L3MBTL3: variants seen among roughly 807,000 people sequenced by gnomAD.
L3MBTL3 encodes L3MBTL histone methyl-lysine binding protein 3, also known as lethal(3)malignant brain tumor-like protein 3.
In L3MBTL3, 27 loss-of-function variants were observed where a neutral mutation model predicts 102.3. The observed-to-expected ratio is 0.26, with a 90% confidence interval of 0.19 to 0.36. The LOEUF (loss-of-function observed/expected upper bound fraction) is 0.36. L3MBTL3 is among the 10% of genes least tolerant of loss of function. L3MBTL3 has a pLI of 1.00. For missense variants in L3MBTL3, 798 were observed against 955.3 expected (o/e 0.84, Z 2.17); for synonymous variants, 340 against 320.9 (o/e 1.06, Z -0.64).
intron 20 of L3MBTL3, among the ~76,000 whole-genome samples, chr6:130,128,201 G>GGT (rs952307045): frequency 1.2e-4 from 18 of 151,710 alleles, no homozygotes; most frequent in African/African-American, 3.6e-4. Context: ...GGGTTAGGGG[G>GGT]GTGTGTGTGT....
At chr6:130,040,719 C>T (rs186827289) in intron 2 of L3MBTL3, among the ~76,000 whole-genome samples, 102 of 152,212 alleles carry the variant, frequency 6.7e-4, no homozygotes, top group Non-Finnish European at 1.3e-4. Context: ...TATCCAAACC[C>T]GAATAAACAT....
intron 19 of L3MBTL3, among the ~76,000 whole-genome samples, chr6:130,112,041 A>T (rs1446157281): frequency 6.6e-6 from 1 of 152,186 alleles, no homozygotes; most frequent in Non-Finnish European, 1.5e-5. Flanking sequence ...TCTCTGTGCC[A>T]TCTCCTAGCT....
chr6:130,117,695 A>G lies in L3MBTL3; in HGVS notation c.1887-3184A>G, dbSNP rs9483086. On this transcript the variant is annotated intron_variant, in intron 19 of 22. Transcript: ENST00000361794. ...TAATGGTTGTCCAATTGAATAAACA[A>G]TTTTTCTTGTTTTTTTCTTTCTGAG... Among the ~76,000 whole-genome samples, 531 of 151,868 alleles carry G rather than the reference A, an allele frequency of 3.5e-3. 2 individuals carry two copies. Among genetic ancestry groups the G allele is most frequent in the African/African-American group, 0.011 (475 of 41,416 alleles).
At chr6:130,046,018 G>A (rs1218152382) in intron 3 of L3MBTL3, among the ~76,000 whole-genome samples, 2 of 152,232 alleles carry the variant, frequency 1.3e-5, no homozygotes, top group African/African-American at 4.8e-5. Flanking sequence ...AGCGCCAGCT[G>A]TAAGAACAGG....
intron 10 of L3MBTL3, among the ~76,000 whole-genome samples, chr6:130,060,977 A>T (rs565082227): frequency 6.6e-6 from 1 of 152,218 alleles, no homozygotes; most frequent in Non-Finnish European, 1.5e-5. Flanking sequence ...TGCAGAACAC[A>T]GTACCATGTG....
intron 2 of L3MBTL3, among the ~76,000 whole-genome samples, chr6:130,032,407 T>G (rs753744762): frequency 3.3e-5 from 5 of 151,898 alleles, no homozygotes; most frequent in Admixed American, 2.0e-4. Flanking sequence ...TATGTTTGTG[T>G]TGTTGTACCC....
At chr6:130,061,050 C>T (rs930799402) in intron 10 of L3MBTL3, among the ~76,000 whole-genome samples, 8 of 150,166 alleles carry the variant, frequency 5.3e-5, no homozygotes, top group Non-Finnish European at 1.0e-4. Context: ...TATGTGCCAG[C>T]GGCTAATCCA....
chr6:130,033,993 C>T (rs1779890298), intron 2 of L3MBTL3, among the ~76,000 whole-genome samples: 1 of 152,228 alleles, frequency 6.6e-6, no homozygotes, highest in South Asian at 2.1e-4. Context: ...AGGGCCCACT[C>T]TTTTGCTTTG....
chr6:130,129,614 A>T (rs1786867761), intron 20 of L3MBTL3, among the ~76,000 whole-genome samples: 1 of 152,244 alleles, frequency 6.6e-6, no homozygotes, highest in Non-Finnish European at 1.5e-5. Flanking sequence ...GTTTGATCAC[A>T]TACCTTTGGT....
chr6:130,059,719 T>C (rs889536780), intron 9 of L3MBTL3, among the ~76,000 whole-genome samples: 5 of 152,218 alleles, frequency 3.3e-5, no homozygotes, highest in South Asian at 2.1e-4. Flanking sequence ...GTTGTCAAAC[T>C]TTTTGATCTT....
intron 2 of L3MBTL3, among the ~76,000 whole-genome samples, chr6:130,030,022 C>T (rs1436751916): frequency 6.6e-6 from 1 of 152,050 alleles, no homozygotes; most frequent in Non-Finnish European, 1.5e-5. Context: ...CCACACCCAG[C>T]TAATTTTTGT....
chr6:130,053,173 A>G (rs1781216321), intron 7 of L3MBTL3, among the ~76,000 whole-genome samples, 182 bp downstream of exon 7: 1 of 133,464 alleles, frequency 7.5e-6, no homozygotes, highest in Admixed American at 8.1e-5. Flanking sequence ...AATGGGAATC[A>G]TAAACAATAG....
At chr6:130,097,222 G>T (rs1784411243) in intron 18 of L3MBTL3, among the ~76,000 whole-genome samples, 1 of 152,196 alleles carries the variant, frequency 6.6e-6, no homozygotes, top group Non-Finnish European at 1.5e-5. Context: ...GGAGCTTACT[G>T]TGTCGTGGAT....
chr6:130,120,739 A>G (rs1786102497), intron 19 of L3MBTL3, 140 bp from the exon 20 acceptor site: 3 of 614,976 alleles, frequency 4.9e-6, no homozygotes, highest in Admixed American at 3.2e-5. Flanking sequence ...ATTGCCTTGT[A>G]GGAGAACTAT....
At chr6:130,020,839 C>G (rs1457429313) in intron 1 of L3MBTL3, among the ~76,000 whole-genome samples, 2 of 151,688 alleles carry the variant, frequency 1.3e-5, no homozygotes, top group African/African-American at 4.9e-5. Context: ...GCCCCCACCC[C>G]CAACGCCTCG....
At chr6:130,095,993 G>A (rs557636884) in intron 18 of L3MBTL3, among the ~76,000 whole-genome samples, 1 of 152,158 alleles carries the variant, frequency 6.6e-6, no homozygotes, top group Non-Finnish European at 1.5e-5. Flanking sequence ...TTTTCGAGCA[G>A]CATTTTTTCA....
At chr6:130,138,275 A>C (rs993755197) in intron 22 of L3MBTL3, 1 of 152,224 alleles carries the variant, frequency 6.6e-6, no homozygotes, top group Non-Finnish European at 1.5e-5. Flanking sequence ...GGGTGGCTTA[A>C]ATGGCAGAAA....
intron 15 of L3MBTL3, among the ~76,000 whole-genome samples, 153 bp downstream of exon 15, chr6:130,083,858 G>A (rs573196881): frequency 3.9e-5 from 6 of 152,206 alleles, no homozygotes; most frequent in African/African-American, 7.2e-5. Context: ...AATTTTTAAA[G>A]TCAAAATTGT....
chr6:130,131,562 T>C (rs35822608), intron 20 of L3MBTL3, among the ~76,000 whole-genome samples: 13,242 of 152,252 alleles, frequency 0.087, 665 homozygotes, highest in Non-Finnish European at 0.1. Flanking sequence ...GAGAGGATTC[T>C]TGGGTCTCGC....
Sources: allele counts gnomAD v4.1 joint callset (sites outside exome capture counted in the v4.1 genomes callset), GRCh38; gene constraint gnomAD v4.1.1; transcripts MANE v1.5; gene names NCBI Gene and HGNC (gene_info 2026-07-23, HGNC 2026-07-21).